PPP1R7: variants seen among roughly 807,000 people sequenced by gnomAD.
The protein encoded by PPP1R7 is protein phosphatase 1 regulatory subunit 22.
A neutral mutation model predicts 45.2 loss-of-function variants in PPP1R7; 18 were observed. The ratio of observed to expected loss-of-function variants is 0.40; its 90% confidence interval spans 0.28 to 0.59. PPP1R7 has a LOEUF of 0.59. Among genes scored for constraint, PPP1R7 ranks in the 20% least tolerant of loss-of-function variants. The probability of loss-of-function intolerance (pLI) is 0.46; values close to 1 mark genes in which losing one functional copy is unlikely to be tolerated. For synonymous variants in PPP1R7, 181 were observed against 183.4 expected, an observed-to-expected ratio of 0.99 and a Z score of 0.11; for missense variants, 314 against 455.8, an observed-to-expected ratio of 0.69 and a Z score of 2.83.
upstream of PPP1R7, chr2:241,149,603 C>T: frequency 2.7e-6 from 4 of 1,507,678 alleles, no homozygotes; most frequent in South Asian, 4.8e-5. Flanking sequence ...TTGCTAGGGA[C>T]GCACCAAACA....
intron 9 of PPP1R7, among the ~76,000 whole-genome samples, chr2:241,174,166 C>G (rs1291507206): frequency 1.3e-5 from 2 of 152,190 alleles, no homozygotes; most frequent in Non-Finnish European, 2.9e-5. Flanking sequence ...AAATAGTCTA[C>G]TCCGTAAGAT....
intron 8 of PPP1R7, chr2:241,167,239 T>C: frequency 1.7e-6 from 1 of 595,696 alleles, no homozygotes; most frequent in Non-Finnish European, 2.7e-6. Flanking sequence ...TCTATAAACA[T>C]AGTGTTTCAA....
At chr2:241,154,179 C>CAAAAAAAAAAAA (rs1167747738) in intron 2 of PPP1R7, among the ~76,000 whole-genome samples, 4 of 50,486 alleles carry the variant, frequency 7.9e-5, no homozygotes, top group Non-Finnish European at 1.2e-4. Context: ...TACTCCTTCT[C>CAAAAAAAAAAAA]AAAAAAAAAA....
At position 241,160,405 on chromosome 2, in the gene PPP1R7, T is replaced by C. The variant is rs868156074; in HGVS notation, c.508T>C (p.Phe170Leu). ...CAAGTTGACACGACTGAAAAAACTCTTCTTGGTCAACAATAAAATCAGTAA... is the reference window on the plus strand; with the variant it reads ...CAAGTTGACACGACTGAAAAAACTCCTCTTGGTCAACAATAAAATCAGTAA... Reference protein sequence around the residue: ...VDKLTRLKKLFLVNNKISKIE... With the variant: ...VDKLTRLKKLLLVNNKISKIE... Residue 170 changes from phenylalanine (F) to leucine (L), a missense_variant, in exon 6 of 10, where the codon TTC becomes CTC. Around this residue, in one of 3 missense-constraint regions of PPP1R7, gnomAD observed 168 missense variants for 285.3 expected, o/e 0.59. Transcript: ENST00000234038. 6.2e-7 allele frequency: 1 copy of C among 1,613,248 alleles called. No homozygotes were observed. The highest frequency in any genetic ancestry group is 8.5e-7 in the Non-Finnish European group (1 of 1,179,770).
chr2:241,159,550 C>T (rs138671973), intron 5 of PPP1R7, among the ~76,000 whole-genome samples: 34 of 152,242 alleles, frequency 2.2e-4, no homozygotes, highest in Admixed American at 1.1e-3. Context: ...ATGTCTTTGG[C>T]TTCCTGAACA....
chr2:241,159,379 G>C (rs1057072687), intron 5 of PPP1R7, 36 bp downstream of exon 5: 2 of 1,606,848 alleles, frequency 1.2e-6, no homozygotes, highest in Non-Finnish European at 1.7e-6. Context: ...CAGCATGGTG[G>C]GAAGGCCACT....
intron 3 of PPP1R7, among the ~76,000 whole-genome samples, chr2:241,158,186 G>T (rs1031570522): frequency 3.9e-5 from 6 of 152,192 alleles, no homozygotes; most frequent in Non-Finnish European, 8.8e-5. Context: ...GTCTCTGATG[G>T]TGATGGGATG....
In PPP1R7 at chr2:241,182,862, G is replaced by A. The variant is rs150566152; in HGVS notation, c.*39G>A. ...CCTCATGTGGTCCCTCTCCTCGGAA[G>A]AACTGCCCAGCCACGGGTTTTTAAC... On this transcript the variant is annotated 3_prime_UTR_variant, in exon 10 of 10. Coordinates refer to ENST00000234038, the MANE Select transcript of PPP1R7 (RefSeq NM_002712.3). 602 of 1,589,636 alleles carry A rather than the reference G, an allele frequency of 3.8e-4. No individual in the cohort carries two copies. Among genetic ancestry groups the A allele is most frequent in the Non-Finnish European group, 4.7e-4 (550 of 1,161,636 alleles).
intron 6 of PPP1R7, among the ~76,000 whole-genome samples, chr2:241,162,452 G>T (rs190684689): frequency 1.3e-5 from 2 of 152,324 alleles, no homozygotes; most frequent in South Asian, 4.1e-4. Context: ...TCACCATGGG[G>T]AGACCAGACA....
At chr2:241,156,344 A>C (rs1197569878) in intron 2 of PPP1R7, among the ~76,000 whole-genome samples, 1 of 152,258 alleles carries the variant, frequency 6.6e-6, no homozygotes, top group Admixed American at 6.5e-5. Context: ...GTTTTCCTAC[A>C]ACAGAAAACT....
chr2:241,183,414 GT>G lies in PPP1R7; in HGVS notation c.*595del, dbSNP rs1168864236. On this transcript the variant is annotated 3_prime_UTR_variant, in exon 10 of 10. Coordinates refer to ENST00000234038, the MANE Select transcript of PPP1R7 (RefSeq NM_002712.3). ...CAAAGAGCGCCGGGCAGGGCTGACT[GT>G]TTTCACGTGTGCCCGTCAGTTCTCG... 1 of 471,214 alleles carries G rather than the reference GT, an allele frequency of 2.1e-6. No homozygotes were observed. The highest frequency in any genetic ancestry group is 2.3e-5 in the Admixed American group (1 of 42,586). 29.2% of individuals were successfully genotyped at this position (471,214 alleles called of 1,614,324 possible). A position where few individuals can be genotyped will look rare whatever the true frequency, so the allele number is the denominator to read the frequency against.
chr2:241,166,421 A>G lies in PPP1R7; in HGVS notation c.799A>G (p.Ile267Val). 1 of 1,613,852 alleles carries G rather than the reference A, an allele frequency of 6.2e-7. No homozygotes were observed. The highest frequency in any genetic ancestry group is 1.3e-5 in the African/African-American group (1 of 75,058). The change falls in exon 8 of 10, where the codon ATC (isoleucine) becomes GTC (valine). Residue 267 changes from isoleucine (I) to valine (V), a missense_variant. Transcript: ENST00000234038. ...LYLSHNGIEV[I>V]EGLENNNKLT... The stretch of plus-strand genomic sequence containing the variant: ...CCTTAGCCACAATGGCATCGAGGTC[A>G]TCGAGGGCCTGGAGAACAATGTAAG...
intron 9 of PPP1R7, among the ~76,000 whole-genome samples, chr2:241,181,184 C>T (rs993803005): frequency 9.2e-5 from 14 of 151,998 alleles, no homozygotes; most frequent in Non-Finnish European, 1.6e-4. Context: ...GGCGACAGAG[C>T]GAGACTCCCT....
rs534993033 is a variant in PPP1R7, at chr2:241,163,154, T to C, written c.598-131T>C. ...CAAGTAGGATTTCCACTGGAAGTCT[T>C]AGCAGATACGTCACTAGCCCCACAT... On this transcript the variant is annotated intron_variant, in intron 6 of 9. Transcript: ENST00000234038. 2.3e-5 allele frequency: 15 copies of C among 660,014 alleles called. No individual in the cohort carries two copies. The Admixed American group carries it at 3.6e-4, about 16-fold the overall frequency. 40.9% of individuals were successfully genotyped at this position (660,014 alleles called of 1,614,324 possible).
chr2:241,163,464 A>G, intron 7 of PPP1R7, 63 bp downstream of exon 7: 2 of 1,170,514 alleles, frequency 1.7e-6, no homozygotes, highest in Non-Finnish European at 2.5e-6. Flanking sequence ...TGCTGGACAC[A>G]ATCTTAGTTT....
chr2:241,149,613 A>AC, upstream of PPP1R7: 1 of 1,527,894 alleles, frequency 6.5e-7, no homozygotes, highest in Non-Finnish European at 8.8e-7. Flanking sequence ...CGCACCAAAC[A>AC]CCCCTACGGC....
intron 2 of PPP1R7, among the ~76,000 whole-genome samples, chr2:241,155,937 C>T (rs2067447342): frequency 6.6e-6 from 1 of 152,140 alleles, no homozygotes; most frequent in African/African-American, 2.4e-5. Context: ...AGGTTGGTAT[C>T]CTTTACAGTT....
chr2:241,150,510 C>T lies in PPP1R7; in HGVS notation c.15C>T (p.Arg5=). The change falls in exon 1 of 10, where the codon CGC becomes CGT. Residue 5 remains arginine (R), a synonymous_variant. Coordinates refer to ENST00000234038, the MANE Select transcript of PPP1R7 (RefSeq NM_002712.3). Reference sequence around the variant, plus strand: ...GAGCAGCCAACATGGCGGCGGAACGCGGCGCGGGGCAGCAACAGTCGCAGG... The same window carrying T: ...GAGCAGCCAACATGGCGGCGGAACGTGGCGCGGGGCAGCAACAGTCGCAGG... The part of the protein sequence containing the change: MAAE[R]GAGQQQSQEM... The T allele has an allele frequency of 1.3e-6, 2 of 1,597,500 alleles. No homozygotes were observed. The highest frequency in any genetic ancestry group is 1.4e-5 in the African/African-American group (1 of 73,006).
chr2:241,160,217 C>T (rs2067553154), intron 5 of PPP1R7, 115 bp from the exon 6 acceptor site: 1 of 709,344 alleles, frequency 1.4e-6, no homozygotes, highest in Non-Finnish European at 2.2e-6. Context: ...CCCTCTCCCA[C>T]CCGGTAGTGA....
Sources: gnomAD v4.1 joint callset for allele counts (sites outside exome capture counted in the v4.1 genomes callset) on GRCh38, gnomAD v4.1.1 for gene constraint, gnomAD v4.1.1 regional missense constraint, MANE v1.5 for transcripts, NCBI Gene and HGNC (gene_info 2026-07-23, HGNC 2026-07-21) for gene names.